The following HS6ST2 variants were observed in gnomAD, a reference collection of about 807,000 sequenced individuals.
HS6ST2 encodes the protein heparan sulfate 6-O-sulfotransferase 2, also known as heparan-sulfate 6-O-sulfotransferase 2.
HS6ST2 carries 17 observed loss-of-function variants against 33.0 expected under a neutral mutation model. The observed-to-expected ratio is 0.52, with a 90% CI of 0.35 to 0.77. The LOEUF (loss-of-function observed/expected upper bound fraction) is 0.77, where lower values mean the gene tolerates loss of function less well. HS6ST2 is among the 30% of genes least tolerant of loss of function. The pLI, the probability that HS6ST2 is intolerant of heterozygous loss-of-function variation, is 0.01. For missense variants in HS6ST2, 519 were observed against 551.7 expected, an observed-to-expected ratio of 0.94 and a Z score of 0.59; for synonymous variants, 248 against 237.1, an observed-to-expected ratio of 1.05 and a Z score of -0.42.
chrX:132,705,188 C>CGTGT (rs59172290), intron 3 of HS6ST2, among the ~76,000 whole-genome samples: 3 of 103,231 alleles, frequency 2.9e-5, no homozygotes, highest in African/African-American at 1.1e-4. Context: ...TGTGGGCACG[C>CGTGT]GTGTGTGTGT....
At chrX:132,854,887 T>A (rs1378078479) in intron 2 of HS6ST2, among the ~76,000 whole-genome samples, 1 of 112,157 alleles carries the variant, frequency 8.9e-6, no homozygotes, top group Non-Finnish European at 1.9e-5. Flanking sequence ...ACCTCTTCTC[T>A]CCTTCACTCC....
Position 132,737,099 on chromosome X carries a change from T to C in HS6ST2, c.948-28605A>G, listed in dbSNP as rs866073143. Among the ~76,000 whole-genome samples, 3 of 111,245 alleles carry C rather than the reference T, an allele frequency of 2.7e-5. No homozygotes were observed. In the East Asian group the frequency reaches 8.5e-4, roughly 32 times the overall value. On this transcript the variant is annotated intron_variant, in intron 2 of 4. Transcript: ENST00000370833. ...TGACTTAACGATCTCATTTTACACA[T>C]GGAGACCCTGAGGCTCAGAAGGGAG...
At chrX:132,711,875 C>T (rs1235759602) in intron 2 of HS6ST2, among the ~76,000 whole-genome samples, 2 of 110,992 alleles carry the variant, frequency 1.8e-5, no homozygotes, top group Non-Finnish European at 3.8e-5. Context: ...CCTCTTGCAC[C>T]GCCACCACCC....
chrX:132,840,824 G>A (rs1036315625), intron 2 of HS6ST2, among the ~76,000 whole-genome samples: 1 of 111,714 alleles, frequency 9.0e-6, no homozygotes, highest in Non-Finnish European at 1.9e-5. Flanking sequence ...TGATAAAAGC[G>A]GTTATGTTGA....
chrX:132,669,283 C>G (rs1293667817), intron 3 of HS6ST2, 84 bp from the exon 4 acceptor site: 7 of 798,146 alleles, frequency 8.8e-6, no homozygotes, highest in Non-Finnish European at 1.3e-5. Flanking sequence ...TTTAAAGACT[C>G]TCAAGGCCAG....
chrX:132,858,884 GTTC>G, intron 2 of HS6ST2, among the ~76,000 whole-genome samples: 1 of 112,175 alleles, frequency 8.9e-6, no homozygotes. Context: ...CTTGGCACCC[GTTC>G]TTCTAGGTCG....
chrX:132,883,759 G>A (rs1415682890), intron 2 of HS6ST2, among the ~76,000 whole-genome samples: 1 of 111,144 alleles, frequency 9.0e-6, no homozygotes, highest in African/African-American at 3.3e-5. Flanking sequence ...AGCTCCAAAT[G>A]GCTGTCTTAA....
chrX:132,765,698 G>A (rs368019575), intron 2 of HS6ST2, among the ~76,000 whole-genome samples: 1,363 of 111,170 alleles, frequency 0.012, 25 homozygotes, highest in African/African-American at 0.043. Context: ...CAATCCTCCC[G>A]CCTTGGCCTC....
At chrX:132,906,316 G>C (rs971807580) in intron 2 of HS6ST2, among the ~76,000 whole-genome samples, 6 of 111,876 alleles carry the variant, frequency 5.4e-5, no homozygotes, top group Non-Finnish European at 1.1e-4. Flanking sequence ...GTTATTTTTT[G>C]TATATTGAAA....
At chrX:132,923,314 C>A (rs2053672239) in intron 2 of HS6ST2, among the ~76,000 whole-genome samples, 1 of 111,325 alleles carries the variant, frequency 9.0e-6, no homozygotes, top group South Asian at 3.8e-4. Context: ...CCCACTGCCA[C>A]AACCTGTCAT....
At chrX:132,781,250 T>C (rs777529428) in intron 2 of HS6ST2, among the ~76,000 whole-genome samples, 2 of 112,049 alleles carry the variant, frequency 1.8e-5, no homozygotes, top group South Asian at 3.8e-4. Context: ...TAGGTAGACA[T>C]AGAATAACTT....
chrX:132,721,053 C>A (rs1302028903), intron 2 of HS6ST2, among the ~76,000 whole-genome samples: 1 of 111,827 alleles, frequency 8.9e-6, no homozygotes, highest in Non-Finnish European at 1.9e-5. Context: ...AGACACCAGA[C>A]TTAATCTGCA....
chrX:132,823,971 T>G (rs2065490920), intron 2 of HS6ST2, among the ~76,000 whole-genome samples: 1 of 110,421 alleles, frequency 9.1e-6, no homozygotes, highest in South Asian at 3.9e-4. Context: ...TTCCGTGGGT[T>G]ATATATACCA....
intron 2 of HS6ST2, among the ~76,000 whole-genome samples, chrX:132,921,949 A>G (rs778275577): frequency 1.8e-5 from 2 of 112,164 alleles, no homozygotes; most frequent in Non-Finnish European, 3.8e-5. Flanking sequence ...AGAAAGTAGG[A>G]TAATATTTTA....
intron 2 of HS6ST2, among the ~76,000 whole-genome samples, chrX:132,926,193 T>G (rs906468110): frequency 5.3e-5 from 6 of 112,741 alleles, no homozygotes; most frequent in African/African-American, 1.9e-4. Context: ...TTTGGAGAGC[T>G]GTATATAGAA....
chrX:132,687,738 A>G (rs2064029927), intron 3 of HS6ST2, among the ~76,000 whole-genome samples: 1 of 109,815 alleles, frequency 9.1e-6, no homozygotes, highest in African/African-American at 3.3e-5. Context: ...CCCAAACAGA[A>G]GACACTAGTC....
At position 132,675,181 on chromosome X, in the gene HS6ST2, C is replaced by T. The variant is rs772764985; in HGVS notation, c.981-5982G>A. 5.4e-5 allele frequency among the ~76,000 whole-genome samples: 6 copies of T among 110,353 alleles called. No individual in the cohort carries two copies. The East Asian group carries it at 1.7e-3, about 32-fold the overall frequency. On this transcript the variant is annotated intron_variant, in intron 3 of 4. Coordinates refer to ENST00000370833, the MANE Select transcript of HS6ST2 (RefSeq NM_001394073.1). ...GAGTTGGGGTATTGATGGACAGTGT[C>T]CCAGTAGGCAATTAGAGAAATGGAA...
At chrX:132,776,783 C>T (rs965695087) in intron 2 of HS6ST2, among the ~76,000 whole-genome samples, 1 of 111,448 alleles carries the variant, frequency 9.0e-6, no homozygotes, top group South Asian at 3.8e-4. Context: ...CACCAAATTG[C>T]AGCACCGCAG....
chrX:132,846,104 T>C (rs2065748417), intron 2 of HS6ST2, among the ~76,000 whole-genome samples: 1 of 112,073 alleles, frequency 8.9e-6, no homozygotes, highest in Non-Finnish European at 1.9e-5. Flanking sequence ...TATAATTTCA[T>C]ACAACTTTCA....
Sources: allele counts gnomAD v4.1 joint callset (sites outside exome capture counted in the v4.1 genomes callset), GRCh38; gene constraint gnomAD v4.1.1; transcripts MANE v1.5; gene names NCBI Gene and HGNC (gene_info 2026-07-23, HGNC 2026-07-21).